SH3BGRL2: variants seen among roughly 807,000 people sequenced by gnomAD.
SH3BGRL2 encodes SH3 domain binding glutamate rich protein like 2, also known as SH3 domain-binding glutamic acid-rich-like protein 2.
In SH3BGRL2, 21 loss-of-function variants were observed where a neutral mutation model predicts 14.8. The ratio of observed to expected loss-of-function variants is 1.42; its 90% CI spans 1.01 to 2.05. SH3BGRL2 has a LOEUF of 2.05. Ranked by LOEUF, SH3BGRL2 falls within the 30% of genes most tolerant of loss-of-function variation. SH3BGRL2 has a pLI of 0.00. For synonymous variants in SH3BGRL2, 50 were observed against 47.8 expected (o/e 1.05, Z -0.19); for missense variants, 147 against 130.8 (o/e 1.12, Z -0.61).
the SH3BGRL2 span, among the ~76,000 whole-genome samples, chr6:79,616,310 TATA>T: frequency 6.6e-6 from 1 of 152,208 alleles, no homozygotes; most frequent in Non-Finnish European, 1.5e-5. Flanking sequence ...CCATTTGCAT[TATA>T]ATCCTGCATG....
chr6:79,620,202 T>C, the SH3BGRL2 span, among the ~76,000 whole-genome samples: 1 of 152,190 alleles, frequency 6.6e-6, no homozygotes, highest in Non-Finnish European at 1.5e-5. Flanking sequence ...TCTTGCTGGA[T>C]AATTATTTTG....
intron 1 of SH3BGRL2, among the ~76,000 whole-genome samples, chr6:79,664,006 T>G (rs922727750): frequency 6.6e-6 from 1 of 152,212 alleles, no homozygotes; most frequent in African/African-American, 2.4e-5. Context: ...AGTCTGTCAG[T>G]TGCTAAGACC....
rs183711054 is a variant in SH3BGRL2, at chr6:79,697,876, C to T, written c.312+1311C>T. On this transcript the variant is annotated intron_variant, in intron 3 of 3. Transcript: ENST00000369838. ...CGGGCATCATTGTCTATGCAAAAACCTTTTAAAAAATACTGCTTGTTCCCA... is the reference window on the plus strand; with the variant it reads ...CGGGCATCATTGTCTATGCAAAAACTTTTTAAAAAATACTGCTTGTTCCCA... Among the ~76,000 whole-genome samples the T allele has an allele frequency of 1.1e-3, 168 of 152,280 alleles. 1 individual carries two copies. Among genetic ancestry groups the T allele is most frequent in the African/African-American group, 3.9e-3 (162 of 41,562 alleles).
the SH3BGRL2 span, among the ~76,000 whole-genome samples, chr6:79,583,798 T>A: frequency 4.6e-4 from 70 of 152,318 alleles, no homozygotes; most frequent in African/African-American, 1.3e-3. Flanking sequence ...TCCATTTTTT[T>A]AAAAAAGTGG....
chr6:79,655,492 A>G (rs967562188), intron 1 of SH3BGRL2, among the ~76,000 whole-genome samples: 4 of 152,074 alleles, frequency 2.6e-5, no homozygotes, highest in Admixed American at 2.6e-4. Flanking sequence ...GGTGGCTTTC[A>G]GGATATTTGC....
chr6:79,613,851 G>A, the SH3BGRL2 span, among the ~76,000 whole-genome samples: 87 of 152,190 alleles, frequency 5.7e-4, 2 homozygotes, highest in Non-Finnish European at 3.1e-4. Context: ...CAGGTGATCC[G>A]CCTGCCCAGG....
the SH3BGRL2 span, among the ~76,000 whole-genome samples, chr6:79,604,678 A>G: frequency 6.6e-6 from 1 of 152,078 alleles, no homozygotes; most frequent in Non-Finnish European, 1.5e-5. Flanking sequence ...TCCTTGCCTC[A>G]TCATTGTGTG....
At chr6:79,590,163 G>A in the SH3BGRL2 span, among the ~76,000 whole-genome samples, 3,720 of 152,008 alleles carry the variant, frequency 0.024, 61 homozygotes, top group Middle Eastern at 0.071. Context: ...AAATGCTGGC[G>A]AGGCTGTGGA....
the SH3BGRL2 span, among the ~76,000 whole-genome samples, chr6:79,558,307 A>G: frequency 3.3e-5 from 5 of 152,210 alleles, no homozygotes; most frequent in African/African-American, 1.2e-4. Flanking sequence ...AGGTCCAGCA[A>G]CCACTGTAAA....
chr6:79,543,838 A>G, the SH3BGRL2 span, among the ~76,000 whole-genome samples: 2 of 152,138 alleles, frequency 1.3e-5, no homozygotes, highest in Non-Finnish European at 2.9e-5. Flanking sequence ...TTTAAGATCA[A>G]TTATTCAAGT....
the SH3BGRL2 span, among the ~76,000 whole-genome samples, chr6:79,598,939 G>A: frequency 1.3e-5 from 2 of 152,008 alleles, no homozygotes; most frequent in South Asian, 2.1e-4. Context: ...AAATTAGCCG[G>A]GTGTGGTGGC....
At chr6:79,555,641 C>G in the SH3BGRL2 span, among the ~76,000 whole-genome samples, 1 of 152,076 alleles carries the variant, frequency 6.6e-6, no homozygotes, top group South Asian at 2.1e-4. Context: ...TTCCGAGTAG[C>G]TGGGATTACA....
intron 1 of SH3BGRL2, 51 bp from the exon 2 acceptor site, chr6:79,673,563 A>G (rs1182435919): frequency 3.8e-6 from 6 of 1,561,378 alleles, no homozygotes; most frequent in East Asian, 2.2e-5. Context: ...AAGTATATAC[A>G]TACTGTTTCA....
chr6:79,595,674 C>T, the SH3BGRL2 span, among the ~76,000 whole-genome samples: 2 of 152,118 alleles, frequency 1.3e-5, no homozygotes, highest in African/African-American at 4.8e-5. Context: ...AGGGAAATTC[C>T]TCAATCTGAT....
chr6:79,615,162 C>G, the SH3BGRL2 span, among the ~76,000 whole-genome samples: 4 of 152,268 alleles, frequency 2.6e-5, no homozygotes, highest in South Asian at 8.3e-4. Context: ...GGAAGCATCC[C>G]ACTGCTTGGG....
the SH3BGRL2 span, among the ~76,000 whole-genome samples, chr6:79,585,636 C>T: frequency 6.6e-6 from 1 of 152,298 alleles, no homozygotes; most frequent in East Asian, 1.9e-4. Context: ...CCCATCTTCT[C>T]CATGAATTCA....
chr6:79,550,328 G>C, the SH3BGRL2 span, among the ~76,000 whole-genome samples: 3 of 152,196 alleles, frequency 2.0e-5, no homozygotes, highest in African/African-American at 7.2e-5. Flanking sequence ...ACCCATATCA[G>C]AAAGGAATAA....
chr6:79,543,982 G>C, the SH3BGRL2 span, among the ~76,000 whole-genome samples: 2 of 152,146 alleles, frequency 1.3e-5, no homozygotes, highest in Non-Finnish European at 2.9e-5. Flanking sequence ...TGAGGAATTA[G>C]AACCCTAACA....
the SH3BGRL2 span, among the ~76,000 whole-genome samples, chr6:79,564,294 T>A: frequency 2.0e-5 from 3 of 152,182 alleles, no homozygotes; most frequent in Non-Finnish European, 4.4e-5. Context: ...CGATTACATT[T>A]GTAAATAGAA....
Sources: gnomAD v4.1 joint callset for allele counts (sites outside exome capture counted in the v4.1 genomes callset) on GRCh38, gnomAD v4.1.1 for gene constraint, MANE v1.5 for transcripts, NCBI Gene and HGNC (gene_info 2026-07-23, HGNC 2026-07-21) for gene names.